SBNO2: variants seen among roughly 807,000 people sequenced by gnomAD.
The protein encoded by SBNO2 is strawberry notch homolog 2.
In SBNO2, 89 loss-of-function variants were observed where a neutral mutation model predicts 146.3. The observed-to-expected ratio is 0.61, with a 90% CI of 0.51 to 0.73. The LOEUF (loss-of-function observed/expected upper bound fraction) is 0.73. Among genes scored for constraint, SBNO2 ranks in the 30% least tolerant of loss-of-function variants. The probability of loss-of-function intolerance (pLI) is 0.00; values close to 1 mark genes in which losing one functional copy is unlikely to be tolerated. For synonymous variants in SBNO2, 1,147 were observed against 892.6 expected (o/e 1.29, Z -5.08); for missense variants, 2,092 against 2,003.7 (o/e 1.04, Z -0.84).
rs377657653 is a variant in SBNO2 at position 1,158,650 on chromosome 19, G to A, written c.-126-4248C>T. 5.9e-4 allele frequency among the ~76,000 whole-genome samples: 90 copies of A among 152,162 alleles called. No homozygotes were observed. The highest frequency in any genetic ancestry group is 1.0e-3 in the Non-Finnish European group (70 of 68,022). On this transcript the variant is annotated intron_variant, in intron 1 of 31. Transcript: ENST00000361757. The surrounding 1 kb of genome is among the most constrained non-coding windows in gnomAD (Gnocchi z 9.9). ...CGGCGAGGCCCGGGCGAGCGGGCGC[G>A]ACCGTGGTGATGGAGCCCGGCAGAG...
intron 12 of SBNO2, 40 bp from the exon 13 acceptor site, chr19:1,119,661 G>A (rs772717450): frequency 1.3e-6 from 2 of 1,523,718 alleles, no homozygotes; most frequent in Non-Finnish European, 1.8e-6. Flanking sequence ...AACCCGGGAG[G>A]GCCCAGAGGC....
Position 1,108,578 on chromosome 19 carries a change from G to C in SBNO2, c.3743C>G (p.Ala1248Gly). ...CPAPPAPRPL[A>G]LPCGPGEVLD... ...CACCTCTCCGGGGCCGCAAGGCAGCGCCAGCGGGCGCGGGGCGGGCGGGGC... is the reference window on the plus strand; with the variant it reads ...CACCTCTCCGGGGCCGCAAGGCAGCCCCAGCGGGCGCGGGGCGGGCGGGGC... The change falls in exon 32 of 32, where the codon GCG becomes GGG. Residue 1248 changes from alanine (A) to glycine (G), a missense_variant. By Grantham distance (60) the Ala-to-Gly change is moderately conservative (BLOSUM62 0). Transcript: ENST00000361757. 1 of 1,191,764 alleles carries C rather than the reference G, an allele frequency of 8.4e-7. No homozygotes were observed. Among genetic ancestry groups the C allele is most frequent in the Non-Finnish European group, 1.1e-6 (1 of 949,010 alleles). The allele number at this position is 1,191,764 out of a possible 1,614,324, so 73.8% of individuals were successfully genotyped here.
At chr19:1,138,480 C>T (rs1179339641) in intron 4 of SBNO2, among the ~76,000 whole-genome samples, 2 of 152,088 alleles carry the variant, frequency 1.3e-5, no homozygotes, top group African/African-American at 2.4e-5. Flanking sequence ...CTGCTAACAG[C>T]GATTCACAGC....
chr19:1,122,207 C>T lies in SBNO2; in HGVS notation c.1081G>A (p.Ala361Thr). 6.4e-7 allele frequency: 1 copy of T among 1,564,540 alleles called. No individual in the cohort carries two copies. The highest frequency in any genetic ancestry group is 1.2e-5 in the South Asian group (1 of 84,320). Residue 361 changes from alanine to threonine, a missense_variant, in exon 11 of 32, where the codon GCC (alanine) becomes ACC (threonine). Physicochemically the swap from Ala to Thr is moderately conservative, Grantham distance 58. Transcript: ENST00000361757. ...TYSALIGESQAGGQHRTRLRQ... is the reference protein window; with the variant it reads ...TYSALIGESQTGGQHRTRLRQ... ...AGGCGAGTGCGGTGCTGGCCGCCGG[C>T]CTGGCTCTCCCCAATCAGGGCGGAG... is the stretch of plus-strand genomic sequence containing the variant.
At chr19:1,170,734 C>G (rs8104103) in intron 1 of SBNO2, among the ~76,000 whole-genome samples, 1 of 152,096 alleles carries the variant, frequency 6.6e-6, no homozygotes, top group Non-Finnish European at 1.5e-5. Flanking sequence ...AGCACGCACA[C>G]AACACACACA....
At chr19:1,123,469 C>G in intron 7 of SBNO2, 65 bp downstream of exon 7, 1 of 1,392,768 alleles carries the variant, frequency 7.2e-7, no homozygotes, top group Non-Finnish European at 1.0e-6. Context: ...TGGTCACCTG[C>G]AGGGTCTCGG....
intron 12 of SBNO2, 106 bp downstream of exon 12, chr19:1,119,800 G>A (rs2079878130): frequency 2.0e-6 from 2 of 984,616 alleles, no homozygotes; most frequent in Non-Finnish European, 3.1e-6. Flanking sequence ...AGGAGGAGCA[G>A]GGTGCAGACG....
Position 1,109,459 on chromosome 19 carries a change from G to A in SBNO2, c.3217-36C>T. The A allele has an allele frequency of 6.4e-7, 1 of 1,565,448 alleles. No individual in the cohort carries two copies. The highest frequency in any genetic ancestry group is 1.4e-5 in the African/African-American group (1 of 73,826). On this transcript the variant is annotated intron_variant, in intron 28 of 31. Transcript: ENST00000361757. The surrounding 1 kb of genome is among the most constrained non-coding windows in gnomAD (Gnocchi z 4.2). ...GGGCGTTGAGGCCGCGCCCCGGTCC[G>A]CCCCCCGCGGGCCCTCCTCTGGGGG...
chr19:1,120,035 G>A lies in SBNO2; in HGVS notation c.1150-12C>T, dbSNP rs200419045. On this transcript the variant is annotated splice_polypyrimidine_tract_variant and intron_variant, in intron 11 of 31. Transcript: ENST00000361757. ...TCGTCGAACACGATCTGAGGCACAC[G>A]TGGGTTAAGGAGTATTCTGAAGGAC... is the stretch of plus-strand genomic sequence containing the variant. The A allele has an allele frequency of 1.4e-4, 214 of 1,546,932 alleles. No homozygotes were observed. Among genetic ancestry groups the A allele is most frequent in the African/African-American group, 1.8e-4 (13 of 73,110 alleles).
intron 4 of SBNO2, among the ~76,000 whole-genome samples, chr19:1,133,073 T>C (rs1274072810): frequency 2.0e-5 from 3 of 151,760 alleles, no homozygotes; most frequent in East Asian, 3.9e-4. Context: ...GGACCTCACA[T>C]TGGGCCACAG....
At chr19:1,123,173 TC>T (rs2079924775) in intron 7 of SBNO2, 128 bp from the exon 8 acceptor site, 2 of 1,087,262 alleles carry the variant, frequency 1.8e-6, no homozygotes, top group East Asian at 2.6e-5. Flanking sequence ...CGTGGCCAGG[TC>T]CCGTTGGGCG....
In SBNO2 at chr19:1,107,927, T is replaced by C. The variant is rs2079690790; in HGVS notation, c.*293A>G. The C allele has an allele frequency of 8.7e-6, 2 of 228,874 alleles. No homozygotes were observed. The highest frequency in any genetic ancestry group is 1.7e-5 in the Non-Finnish European group (2 of 116,734). 14.2% of individuals were successfully genotyped at this position (228,874 alleles called of 1,614,324 possible). On this transcript the variant is annotated 3_prime_UTR_variant, in exon 32 of 32. Coordinates refer to ENST00000361757, the MANE Select transcript of SBNO2 (RefSeq NM_014963.3). ...CCCGGTTTCACGGATTTCAAGGGTT[T>C]GGGCCCACTGAGCCCTTGTGGGTGC...
At chr19:1,123,481 C>G in intron 7 of SBNO2, 53 bp downstream of exon 7, 1 of 1,504,386 alleles carries the variant, frequency 6.6e-7, no homozygotes, top group South Asian at 1.1e-5. Flanking sequence ...GGGTCTCGGT[C>G]CCACAAAAGG....
At chr19:1,148,141 G>C (rs1004429579) in intron 3 of SBNO2, among the ~76,000 whole-genome samples, 1 of 152,012 alleles carries the variant, frequency 6.6e-6, no homozygotes, top group Non-Finnish European at 1.5e-5. Context: ...TCTCCAGCAG[G>C]GCTGGCAGCA....
chr19:1,115,707 G>A (rs1230549160), intron 17 of SBNO2: 4 of 490,294 alleles, frequency 8.2e-6, no homozygotes, highest in Non-Finnish European at 1.5e-5. Flanking sequence ...AAGGGACCGT[G>A]GAGACCCTGA....
At chr19:1,127,443 T>A (rs905788894) in intron 5 of SBNO2, 161 bp downstream of exon 5, 29 of 697,280 alleles carry the variant, frequency 4.2e-5, no homozygotes, top group Middle Eastern at 4.1e-4. Flanking sequence ...GACCCTCAAC[T>A]AACCACCTCA....
In SBNO2 at chr19:1,126,967, C is replaced by T. The variant is rs1442979755; in HGVS notation, c.441+637G>A. ...AACCCCTGCTCTAGGCCTGGCCCAC[C>T]CAGGTCCTTCAGGAGCTTCTTGGAG... is the stretch of plus-strand genomic sequence containing the variant. On this transcript the variant is annotated intron_variant, in intron 5 of 31. Coordinates refer to ENST00000361757, the MANE Select transcript of SBNO2 (RefSeq NM_014963.3). The surrounding 1 kb of genome is among the most constrained non-coding windows in gnomAD (Gnocchi z 4.4). Among the ~76,000 whole-genome samples the T allele has an allele frequency of 2.0e-5, 3 of 152,212 alleles. No individual in the cohort carries two copies. Among genetic ancestry groups the T allele is most frequent in the Non-Finnish European group, 4.4e-5 (3 of 68,034 alleles).
At position 1,109,123 on chromosome 19, in the gene SBNO2, GC is replaced by G. The variant is rs1417566771; in HGVS notation, c.3425+11del. On this transcript the variant is annotated intron_variant, in intron 30 of 31. Transcript: ENST00000361757. This position sits in a 1 kb window ranked among gnomAD's most constrained non-coding sequence, Gnocchi z 4.2. The stretch of plus-strand genomic sequence containing the variant: ...TCTGCCGGTTTCCCCCTGGTCCCCG[GC>G]CCGCCCTCACCAGGCGCTGTGGCTG... The G allele has an allele frequency of 1.3e-6, 2 of 1,549,792 alleles. No homozygotes were observed.
At chr19:1,167,564 G>C (rs776831540) in intron 1 of SBNO2, among the ~76,000 whole-genome samples, 3 of 152,216 alleles carry the variant, frequency 2.0e-5, no homozygotes, top group Non-Finnish European at 2.9e-5. Flanking sequence ...GCAGGGCAAG[G>C]TCCCTCTTAG....
Sources: allele counts gnomAD v4.1 joint callset (sites outside exome capture counted in the v4.1 genomes callset), GRCh38; gene constraint gnomAD v4.1.1; non-coding constraint Gnocchi (gnomAD v3.1); transcripts MANE v1.5; gene names NCBI Gene and HGNC (gene_info 2026-07-23, HGNC 2026-07-21).